FXN: variants seen among roughly 807,000 people sequenced by gnomAD.
FXN encodes frataxin, mitochondrial.
Under a neutral mutation model 22.4 loss-of-function variants are expected in FXN, and 14 were observed. That is an observed-to-expected ratio of 0.62 (90% CI 0.41 to 0.98). The LOEUF is 0.98. FXN is among the 50% of genes least tolerant of loss of function. The pLI, the probability that FXN is intolerant of heterozygous loss-of-function variation, is 0.00. For synonymous variants in FXN, 120 were observed against 114.1 expected (o/e 1.05, Z -0.33); for missense variants, 267 against 268.4 (o/e 0.99, Z 0.04).
At position 69,073,093 on chromosome 9, in the gene FXN, GAGGGAA is replaced by G. The variant is rs1346186976; in HGVS notation, c.*333_*338del. ...AAATAATAAGAAGGAAAAATTCCAG[GAGGGAA>G]AATGAATTGTCTTCACTCTTCATTC... On this transcript the variant is annotated 3_prime_UTR_variant, in exon 5 of 5. Transcript: ENST00000484259. The G allele has an allele frequency of 3.4e-6, 4 of 1,178,416 alleles. No individual in the cohort carries two copies. The highest frequency in any genetic ancestry group is 4.2e-6 in the Non-Finnish European group (4 of 947,536). 73.0% of individuals were successfully genotyped at this position (1,178,416 alleles called of 1,614,324 possible).
intron 2 of FXN, among the ~76,000 whole-genome samples, chr9:69,050,847 C>G (rs1564332516): frequency 6.6e-6 from 1 of 151,794 alleles, no homozygotes; most frequent in Non-Finnish European, 1.5e-5. Context: ...ATGGCACGTC[C>G]TCTGCTCACT....
At chr9:69,042,957 A>G (rs1156544305) in intron 1 of FXN, among the ~76,000 whole-genome samples, 2 of 152,174 alleles carry the variant, frequency 1.3e-5, no homozygotes, top group East Asian at 3.9e-4. Flanking sequence ...TAGGCAAGTT[A>G]CCCTTTGGTG....
chr9:69,052,606 A>G (rs1274918255), intron 2 of FXN, among the ~76,000 whole-genome samples: 2 of 145,142 alleles, frequency 1.4e-5, no homozygotes, highest in Non-Finnish European at 3.0e-5. Flanking sequence ...GCAGTGGCGC[A>G]ATCTCGGCTC....
chr9:69,052,497 GCTGCCTGCTTCTTT>G (rs1468020096), intron 2 of FXN, among the ~76,000 whole-genome samples: 1 of 151,508 alleles, frequency 6.6e-6, no homozygotes, highest in African/African-American at 2.4e-5. Flanking sequence ...GGGAATGGGG[GCTGCCTGCTTCTTT>G]CTGTAACCCC....
Position 69,046,410 on chromosome 9 carries a change from A to G in FXN, c.191A>G (p.Gln64Arg). 1 of 1,614,196 alleles carries G rather than the reference A, an allele frequency of 6.2e-7. No homozygotes were observed. The highest frequency in any genetic ancestry group is 2.2e-5 in the East Asian group (1 of 44,878). The change falls in exon 2 of 5, where the codon CAG becomes CGG. Residue 64 changes from glutamine (Q) to arginine (R), a missense_variant. Coordinates refer to ENST00000484259, the MANE Select transcript of FXN (RefSeq NM_000144.5). Reference sequence around the variant, plus strand: ...AGTTCGAACCAACGTGGCCTCAACCAGATTTGGAATGTCAAAAAGCAGAGT... The same window carrying G: ...AGTTCGAACCAACGTGGCCTCAACCGGATTTGGAATGTCAAAAAGCAGAGT... ...RASSNQRGLN[Q>R]IWNVKKQSVY...
chr9:69,078,198 C>T lies in FXN; in HGVS notation c.*5436C>T. On this transcript the variant is annotated 3_prime_UTR_variant, in exon 5 of 5. Transcript: ENST00000484259. ...GCCTAGGCTGTGTACTGCACATCTCCAGGTGCCACTGTTGACAGAGATTAT... is the reference window on the plus strand; with the variant it reads ...GCCTAGGCTGTGTACTGCACATCTCTAGGTGCCACTGTTGACAGAGATTAT... 8 of 983,654 alleles carry T rather than the reference C, an allele frequency of 8.1e-6. No individual in the cohort carries two copies. The highest frequency in any genetic ancestry group is 9.7e-6 in the Non-Finnish European group (8 of 828,340). 60.9% of individuals were successfully genotyped at this position (983,654 alleles called of 1,614,324 possible). A position where few individuals can be genotyped will look rare whatever the true frequency, so the allele number is the denominator to read the frequency against.
chr9:69,053,507 GGATA>G (rs746766848), intron 3 of FXN, among the ~76,000 whole-genome samples: 1,968 of 150,666 alleles, frequency 0.013, 32 homozygotes, highest in African/African-American at 0.032. Context: ...ATGGATGGAT[GGATA>G]GATAGATAGA....
rs867960097 is a variant in FXN at position 69,053,225 on chromosome 9, C to A, written c.349C>A (p.Pro117Thr). The A allele has an allele frequency of 6.2e-7, 1 of 1,613,876 alleles. No homozygotes were observed. Among genetic ancestry groups the A allele is most frequent in the Non-Finnish European group, 8.5e-7 (1 of 1,179,882 alleles). The change falls in exon 3 of 5, where the codon CCA becomes ACA. Residue 117 changes from proline (P) to threonine (T), a missense_variant. Physicochemically the swap from Pro to Thr is conservative, Grantham distance 38 (BLOSUM62 -1). Transcript: ENST00000484259. ...GTTTTTTGAAGACCTTGCAGACAAG[C>A]CATACACGTTTGAGGACTATGATGT... is the stretch of plus-strand genomic sequence containing the variant. ...AEFFEDLADK[P>T]YTFEDYDVSF...
intron 1 of FXN, among the ~76,000 whole-genome samples, chr9:69,041,259 C>T (rs1355437665): frequency 6.6e-6 from 1 of 152,178 alleles, no homozygotes; most frequent in Non-Finnish European, 1.5e-5. Flanking sequence ...ACAAGGTATT[C>T]TGCTGTATCT....
intron 3 of FXN, among the ~76,000 whole-genome samples, chr9:69,062,251 A>G (rs1465210984): frequency 6.6e-6 from 1 of 152,140 alleles, no homozygotes; most frequent in African/African-American, 2.4e-5. Flanking sequence ...AGATGTGACT[A>G]TAGGTGCGCA....
chr9:69,072,889 G>T lies in FXN; in HGVS notation c.*127G>T. 1 of 1,559,824 alleles carries T rather than the reference G, an allele frequency of 6.4e-7. No homozygotes were observed. Among genetic ancestry groups the T allele is most frequent in the East Asian group, 2.3e-5 (1 of 43,468 alleles). On this transcript the variant is annotated 3_prime_UTR_variant, in exon 5 of 5. Coordinates refer to ENST00000484259, the MANE Select transcript of FXN (RefSeq NM_000144.5). The stretch of plus-strand genomic sequence containing the variant: ...TTTATTCCTGCTTTTGAGGACAGTT[G>T]GGCTATGTGTCACAGCTCTGTAGAA...
At chr9:69,045,511 C>T (rs924049855) in intron 1 of FXN, among the ~76,000 whole-genome samples, 227 of 152,150 alleles carry the variant, frequency 1.5e-3, no homozygotes, top group African/African-American at 5.1e-3. Context: ...GAGAATCACT[C>T]GAACCCGGGA....
chr9:69,035,959 C>G lies in FXN; in HGVS notation c.165+12C>G. 2 of 1,457,698 alleles carry G rather than the reference C, an allele frequency of 1.4e-6. No homozygotes were observed. Among genetic ancestry groups the G allele is most frequent in the Non-Finnish European group, 9.0e-7 (1 of 1,109,190 alleles). 90.3% of individuals were successfully genotyped at this position (1,457,698 alleles called of 1,614,324 possible). A position where few individuals can be genotyped will look rare whatever the true frequency, so the allele number is the denominator to read the frequency against. On this transcript the variant is annotated intron_variant, in intron 1 of 4. Transcript: ENST00000484259. ...CGCCCCGCCGCGCAGTAAGTATCCG[C>G]GCCGGGAACAGCCGCGGGCCGCACG...
At chr9:69,047,724 CTT>C (rs139522465) in intron 2 of FXN, among the ~76,000 whole-genome samples, 2,050 of 151,408 alleles carry the variant, frequency 0.014, 24 homozygotes, top group Admixed American at 0.022. Context: ...CTCTCTCTCT[CTT>C]TTTTTTTCTT....
chr9:69,073,169 A>G lies in FXN; in HGVS notation c.*407A>G, dbSNP rs1832305086. Reference sequence around the variant, plus strand: ...GAAGTACATGAAGAGCAGCTGGTCAACCTGCTCACTGTTCTATCTCCAAAT... The same window carrying G: ...GAAGTACATGAAGAGCAGCTGGTCAGCCTGCTCACTGTTCTATCTCCAAAT... On this transcript the variant is annotated 3_prime_UTR_variant, in exon 5 of 5. Transcript: ENST00000484259. 5 of 1,102,094 alleles carry G rather than the reference A, an allele frequency of 4.5e-6. No individual in the cohort carries two copies. In the African/African-American group the frequency reaches 6.6e-5, roughly 15 times the overall value. 68.3% of individuals were successfully genotyped at this position (1,102,094 alleles called of 1,614,324 possible).
intron 4 of FXN, 124 bp from the exon 5 acceptor site, chr9:69,072,488 C>T: frequency 6.5e-7 from 1 of 1,550,346 alleles, no homozygotes; most frequent in Non-Finnish European, 8.8e-7. Flanking sequence ...TATACACTAG[C>T]TCATTTTGTG....
At chr9:69,041,487 T>A (rs1831656084) in intron 1 of FXN, among the ~76,000 whole-genome samples, 1 of 152,214 alleles carries the variant, frequency 6.6e-6, no homozygotes, top group African/African-American at 2.4e-5. Context: ...TTCTTGTGCA[T>A]GGACAGAAGT....
chr9:69,068,472 C>T (rs1172211653), intron 4 of FXN, among the ~76,000 whole-genome samples: 2 of 152,190 alleles, frequency 1.3e-5, no homozygotes, highest in African/African-American at 4.8e-5. Context: ...GCCCACAGGC[C>T]ACTGGCAAGT....
chr9:69,068,357 G>A (rs990086383), intron 4 of FXN, among the ~76,000 whole-genome samples: 2 of 152,198 alleles, frequency 1.3e-5, no homozygotes, highest in Non-Finnish European at 2.9e-5. Flanking sequence ...TAGAACATGG[G>A]GTGCCTCCCC....
Sources: gnomAD v4.1 joint callset for allele counts (sites outside exome capture counted in the v4.1 genomes callset) on GRCh38, gnomAD v4.1.1 for gene constraint, MANE v1.5 for transcripts, NCBI Gene and HGNC (gene_info 2026-07-23, HGNC 2026-07-21) for gene names.